Variants in NKIRAS2 observed in about 807,000 individuals in gnomAD.
NKIRAS2 encodes NFKB inhibitor interacting Ras like 2, also known as NF-kappa-B inhibitor-interacting Ras-like protein 2.
Under a neutral mutation model 20.7 loss-of-function variants are expected in NKIRAS2, and 15 were observed. The ratio of observed to expected loss-of-function variants is 0.73; its 90% CI spans 0.49 to 1.12. The LOEUF (loss-of-function observed/expected upper bound fraction) is 1.12. Among genes scored for constraint, NKIRAS2 ranks in the 50% most tolerant of loss-of-function variants. NKIRAS2 has a pLI of 0.00. For synonymous variants in NKIRAS2, 116 were observed against 101.4 expected (o/e 1.14, Z -0.87); for missense variants, 196 against 249.6 (o/e 0.79, Z 1.45).
upstream of NKIRAS2, chr17:42,017,581 TC>T: frequency 2.4e-6 from 2 of 836,280 alleles, no homozygotes; most frequent in Non-Finnish European, 3.6e-6. Context: ...CCCCCGGATG[TC>T]CACGGTGGTC....
intron 1 of NKIRAS2, chr17:42,020,678 A>G (rs1459811690): frequency 6.6e-6 from 1 of 152,178 alleles, no homozygotes; most frequent in Non-Finnish European, 1.5e-5. Flanking sequence ...CATTTTAGCC[A>G]TAGACTTGAC....
In NKIRAS2 at chr17:42,022,717, A is replaced by G. The variant is rs1389325822; in HGVS notation, c.336+77A>G. The G allele has an allele frequency of 2.6e-6, 4 of 1,528,904 alleles. No homozygotes were observed. In the African/African-American group the frequency reaches 4.1e-5, roughly 16 times the overall value. The allele number at this position is 1,528,904 out of a possible 1,614,324, so 94.7% of individuals were successfully genotyped here. A position where few individuals can be genotyped will look rare whatever the true frequency, so the allele number is the denominator to read the frequency against. On this transcript the variant is annotated intron_variant, in intron 3 of 3. Transcript: ENST00000393885. Reference sequence around the variant, plus strand: ...GGAGGGCTGGTTTGGGAAGCCTGGCATGGCTCCATTCTTCACTCCAAGGTG... The same window carrying G: ...GGAGGGCTGGTTTGGGAAGCCTGGCGTGGCTCCATTCTTCACTCCAAGGTG...
upstream of NKIRAS2, chr17:42,017,719 A>G: frequency 2.0e-6 from 1 of 506,812 alleles, no homozygotes; most frequent in Admixed American, 3.6e-5. Context: ...GTATTCCAAG[A>G]GCCTCATTGC....
chr17:42,022,345 C>G, intron 2 of NKIRAS2, 54 bp from the exon 3 acceptor site: 1 of 1,529,968 alleles, frequency 6.5e-7, no homozygotes, highest in Middle Eastern at 1.8e-4. Context: ...GCTCTCATCA[C>G]TCACATTTCC....
At position 42,024,538 on chromosome 17, in the gene NKIRAS2, C is replaced by T. The variant is rs1250788706; in HGVS notation, c.*645C>T. The T allele has an allele frequency of 3.9e-5, 6 of 152,704 alleles. No homozygotes were observed. Among genetic ancestry groups the T allele is most frequent in the African/African-American group, 1.4e-4 (6 of 41,396 alleles). The allele number at this position is 152,704 out of a possible 1,614,324, so 9.5% of individuals were successfully genotyped here. Reference sequence around the variant, plus strand: ...CTGTAATCCCAGCACTTTGGGAGGCCAAGGCGGGTCGATTACTTGAGGTCA... The same window carrying T: ...CTGTAATCCCAGCACTTTGGGAGGCTAAGGCGGGTCGATTACTTGAGGTCA... On this transcript the variant is annotated 3_prime_UTR_variant, in exon 4 of 4. Coordinates refer to ENST00000393885, the MANE Select transcript of NKIRAS2 (RefSeq NM_017595.6).
upstream of NKIRAS2, among the ~76,000 whole-genome samples, chr17:42,019,306 GA>G (rs555372667): frequency 7.0e-4 from 105 of 150,818 alleles, no homozygotes; most frequent in African/African-American, 2.3e-3. Flanking sequence ...CAAAACAACA[GA>G]AAAAAAAACT....
In NKIRAS2 at chr17:42,025,211, CT is replaced by C. The variant is rs1363975017; in HGVS notation, c.*1320del. On this transcript the variant is annotated 3_prime_UTR_variant, in exon 4 of 4. Coordinates refer to ENST00000393885, the MANE Select transcript of NKIRAS2 (RefSeq NM_017595.6). ...CTGTGGTTTTCAGCTCAGAGCTGGACTTCTATTTATAAGTTACCTGTATTTA... is the reference window on the plus strand; with the variant it reads ...CTGTGGTTTTCAGCTCAGAGCTGGACTCTATTTATAAGTTACCTGTATTTA... 3.9e-5 allele frequency: 6 copies of C among 152,598 alleles called. No individual in the cohort carries two copies. The highest frequency in any genetic ancestry group is 8.8e-5 in the Non-Finnish European group (6 of 68,020). 9.5% of individuals were successfully genotyped at this position (152,598 alleles called of 1,614,324 possible). A position where few individuals can be genotyped will look rare whatever the true frequency, so the allele number is the denominator to read the frequency against.
chr17:42,017,618 G>T, upstream of NKIRAS2: 2 of 643,668 alleles, frequency 3.1e-6, no homozygotes, highest in Non-Finnish European at 5.3e-6. Context: ...GAGCCCAGGG[G>T]CTGTGCCGGT....
chr17:42,021,664 TGTAGTGG>T lies in NKIRAS2; in HGVS notation c.90_94+2del. ...TGGAGCAGCTTCTGTATGGGAACCA[TGTAGTGG>T]GTGAGTGTTGTTGGAGGGGGAGGAA... is the stretch of plus-strand genomic sequence containing the variant. On this transcript the variant is annotated frameshift_variant and splice_region_variant, in exon 2 of 4. Coordinates refer to ENST00000393885, the MANE Select transcript of NKIRAS2 (RefSeq NM_017595.6). LOFTEE classifies it high-confidence loss of function. The T allele has an allele frequency of 6.2e-7, 1 of 1,613,896 alleles. No individual in the cohort carries two copies. Among genetic ancestry groups the T allele is most frequent in the Non-Finnish European group, 8.5e-7 (1 of 1,179,828 alleles).
chr17:42,022,881 AGTT>A (rs782018880), intron 3 of NKIRAS2: 1 of 452,680 alleles, frequency 2.2e-6, no homozygotes, highest in Non-Finnish European at 4.0e-6. Flanking sequence ...GCCCCCATTT[AGTT>A]GTTGAAGGGG....
rs782050415 is a variant in NKIRAS2 at position 42,023,800 on chromosome 17, T to C, written c.483T>C (p.Phe161=). Residue 161 remains phenylalanine, a synonymous_variant, in exon 4 of 4, where the codon TTT becomes TTC. Transcript: ENST00000393885. ...VADRRSLLEP[F]VYLASKMTQP... ...ACCGGCGCTCCCTCCTGGAGCCCTT[T>C]GTCTACTTGGCCAGCAAGATGACGC... The C allele has an allele frequency of 5.6e-6, 9 of 1,614,054 alleles. No homozygotes were observed. The Admixed American group carries it at 1.3e-4, about 24-fold the overall frequency.
rs370329806 is a variant in NKIRAS2, at chr17:42,022,556, G to A, written c.252G>A (p.Leu84=). 56 of 1,613,994 alleles carry A rather than the reference G, an allele frequency of 3.5e-5. No homozygotes were observed. The highest frequency in any genetic ancestry group is 4.6e-5 in the Non-Finnish European group (54 of 1,180,018). ...HCFSCTDGYV[L]VYSTDSRESF... ...TCTCTTGCACTGATGGCTACGTCCT[G>A]GTCTATAGCACAGATAGCAGAGAGT... Residue 84 remains leucine (L), a synonymous_variant, in exon 3 of 4, where the codon CTG becomes CTA. Coordinates refer to ENST00000393885, the MANE Select transcript of NKIRAS2 (RefSeq NM_017595.6).
rs1255704989 is a variant in NKIRAS2, at chr17:42,023,922, A to T, written c.*29A>T. ...GCTGCCGTTCCTCTTTCACGATCCC[A>T]GCCCCATTTCAGTGTCTGGGGCTCT... On this transcript the variant is annotated 3_prime_UTR_variant, in exon 4 of 4. Transcript: ENST00000393885. 4 of 1,609,516 alleles carry T rather than the reference A, an allele frequency of 2.5e-6. No homozygotes were observed. In the African/African-American group the frequency reaches 5.3e-5, roughly 22 times the overall value.
intron 2 of NKIRAS2, chr17:42,022,036 C>T: frequency 2.1e-6 from 1 of 476,408 alleles, no homozygotes; most frequent in South Asian, 1.6e-5. Flanking sequence ...TTGGAGAAAC[C>T]CTGTCTCTAC....
At chr17:42,019,635 TTCA>T (rs1567976980), upstream of NKIRAS2, among the ~76,000 whole-genome samples, 1 of 152,210 alleles carries the variant, frequency 6.6e-6, no homozygotes, top group Non-Finnish European at 1.5e-5. Flanking sequence ...CCCCAGGCCC[TTCA>T]GTGTCTGCTG....
At chr17:42,022,065 C>T (rs1224867778) in intron 2 of NKIRAS2, 4 of 434,728 alleles carry the variant, frequency 9.2e-6, no homozygotes, top group Admixed American at 6.0e-5. Context: ...CAAAATTAGC[C>T]GGGTGTGGTG....
chr17:42,019,089 G>A (rs782128975), upstream of NKIRAS2, among the ~76,000 whole-genome samples: 1 of 152,036 alleles, frequency 6.6e-6, no homozygotes. Context: ...TTTCCATCCC[G>A]ATTCAGGCGC....
rs1254530453 is a variant in NKIRAS2 at position 42,022,655 on chromosome 17, C to T, written c.336+15C>T. The T allele has an allele frequency of 1.2e-6, 2 of 1,603,008 alleles. No individual in the cohort carries two copies. Among genetic ancestry groups the T allele is most frequent in the Non-Finnish European group, 1.7e-6 (2 of 1,171,474 alleles). On this transcript the variant is annotated intron_variant, in intron 3 of 3. Transcript: ENST00000393885. ...ACAAGAAGGAGGTGTGTGGCATAGG[C>T]TTCTGGTGGGAGCCTCAGTGGTCAG...
At position 42,021,560 on chromosome 17, in the gene NKIRAS2, C is replaced by G. The variant is rs781791416; in HGVS notation, c.-14-4C>G. On this transcript the variant is annotated splice_polypyrimidine_tract_variant and splice_region_variant and intron_variant, in intron 1 of 3. Transcript: ENST00000393885. The stretch of plus-strand genomic sequence containing the variant: ...CCTTACCCAGCGTGCTTCTGTTCTT[C>G]AAGGTTGAAAACTAAGCATGGGGAA... 3.7e-6 allele frequency: 6 copies of G among 1,613,052 alleles called. No homozygotes were observed. The highest frequency in any genetic ancestry group is 3.3e-5 in the South Asian group (3 of 91,072).
Sources: allele counts gnomAD v4.1 joint callset (sites outside exome capture counted in the v4.1 genomes callset), GRCh38; gene constraint gnomAD v4.1.1; transcripts MANE v1.5; gene names NCBI Gene and HGNC (gene_info 2026-07-23, HGNC 2026-07-21).